The following MTUS2 variants were observed in gnomAD, a reference collection of about 807,000 sequenced individuals.
MTUS2 encodes the protein microtubule associated scaffold protein 2, also known as microtubule-associated tumor suppressor candidate 2.
MTUS2 carries 40 observed loss-of-function variants against 114.1 expected under a neutral mutation model. That is an observed-to-expected ratio of 0.35 (90% confidence interval 0.27 to 0.46). The LOEUF (loss-of-function observed/expected upper bound fraction) is 0.46, where lower values mean the gene tolerates loss of function less well. Among genes scored for constraint, MTUS2 ranks in the 20% least tolerant of loss-of-function variants. The pLI is 1.00. For synonymous variants in MTUS2, 688 were observed against 672.0 expected, an observed-to-expected ratio of 1.02 and a Z score of -0.37; for missense variants, 1,679 against 1,705.4, an observed-to-expected ratio of 0.98 and a Z score of 0.27.
At chr13:29,160,299 C>T (rs1893038538) in intron 5 of MTUS2, among the ~76,000 whole-genome samples, 1 of 152,246 alleles carries the variant, frequency 6.6e-6, no homozygotes, top group Non-Finnish European at 1.5e-5. Flanking sequence ...AAAAGTAAAT[C>T]TCTTTTTTCT....
intron 6 of MTUS2, among the ~76,000 whole-genome samples, chr13:29,299,923 G>A (rs1389923055): frequency 6.6e-6 from 1 of 151,938 alleles, no homozygotes; most frequent in Admixed American, 6.6e-5. Flanking sequence ...ATTTTACTGG[G>A]CAGTCCAGTA....
chr13:29,487,929 T>G lies in MTUS2; in HGVS notation c.3429T>G (p.Ala1143=). 1 of 1,614,148 alleles carries G rather than the reference T, an allele frequency of 6.2e-7. No individual in the cohort carries two copies. Among genetic ancestry groups the G allele is most frequent in the Non-Finnish European group, 8.5e-7 (1 of 1,180,014 alleles). ...AAGATCTCACCGCCAGCCATGATGC[T>G]GCTCTCCTAGAGATGGAAAATAACC... ...QVEDLTASHD[A]ALLEMENNHT... is the part of the protein sequence containing the mutation. The change falls in exon 11 of 16, where the codon GCT becomes GCG. Residue 1143 remains alanine, a synonymous_variant. Transcript: ENST00000612955.
chr13:29,188,672 C>T (rs1456634805), intron 5 of MTUS2, among the ~76,000 whole-genome samples: 1 of 152,186 alleles, frequency 6.6e-6, no homozygotes, highest in Non-Finnish European at 1.5e-5. Context: ...ACCAGAGACT[C>T]CCTGCTCTGC....
intron 2 of MTUS2, among the ~76,000 whole-genome samples, chr13:29,009,992 AC>A (rs1885766972): frequency 6.6e-6 from 1 of 152,080 alleles, no homozygotes; most frequent in South Asian, 2.1e-4. Context: ...CGGACAGATC[AC>A]AAAGTCAGGA....
chr13:29,130,513 A>C (rs1370541240), intron 5 of MTUS2, among the ~76,000 whole-genome samples: 1 of 151,688 alleles, frequency 6.6e-6, no homozygotes, highest in Non-Finnish European at 1.5e-5. Context: ...TGACATGACA[A>C]CCTTTGCCTT....
At chr13:28,939,935 A>T (rs1011348655) in intron 2 of MTUS2, among the ~76,000 whole-genome samples, 2 of 152,196 alleles carry the variant, frequency 1.3e-5, no homozygotes, top group Non-Finnish European at 2.9e-5. Flanking sequence ...CAGGCAAGAA[A>T]GAGCTTGTGC....
chr13:29,449,286 TATTAACTA>T (rs1878515186), intron 9 of MTUS2, among the ~76,000 whole-genome samples: 1 of 151,970 alleles, frequency 6.6e-6, no homozygotes, highest in Non-Finnish European at 1.5e-5. Flanking sequence ...GTTCTTAAGT[TATTAACTA>T]GCATGCATTT....
At chr13:29,327,597 A>C (rs1036199361) in intron 7 of MTUS2, among the ~76,000 whole-genome samples, 1 of 152,182 alleles carries the variant, frequency 6.6e-6, no homozygotes, top group African/African-American at 2.4e-5. Flanking sequence ...ATTCTATTAT[A>C]TAGATATCAC....
intron 5 of MTUS2, among the ~76,000 whole-genome samples, chr13:29,229,766 G>A (rs1019503254): frequency 1.3e-5 from 2 of 152,158 alleles, no homozygotes; most frequent in African/African-American, 4.8e-5. Context: ...ACTATCCTCA[G>A]AGGTAAACCA....
chr13:29,071,345 A>G (rs1008620512), intron 4 of MTUS2, among the ~76,000 whole-genome samples: 5 of 147,540 alleles, frequency 3.4e-5, no homozygotes, highest in East Asian at 2.0e-4. Context: ...TATTGTTGCA[A>G]TATCTTCCCA....
intron 7 of MTUS2, among the ~76,000 whole-genome samples, chr13:29,337,578 G>A (rs1341594319): frequency 6.7e-6 from 1 of 149,676 alleles, no homozygotes; most frequent in Non-Finnish European, 1.5e-5. Context: ...GCAGACCAGA[G>A]CTGTTTTATT....
At chr13:29,182,903 G>A (rs538925790) in intron 5 of MTUS2, among the ~76,000 whole-genome samples, 3 of 152,190 alleles carry the variant, frequency 2.0e-5, no homozygotes, top group African/African-American at 4.8e-5. Flanking sequence ...TAGCATGGAG[G>A]CCAGTGCAGC....
At chr13:28,920,747 C>T (rs1880996784) in intron 2 of MTUS2, among the ~76,000 whole-genome samples, 1 of 152,196 alleles carries the variant, frequency 6.6e-6, no homozygotes, top group Non-Finnish European at 1.5e-5. Flanking sequence ...TGCGGCTAAG[C>T]TAGTACTCAA....
At chr13:28,973,924 G>A (rs560150838) in intron 2 of MTUS2, among the ~76,000 whole-genome samples, 1 of 152,332 alleles carries the variant, frequency 6.6e-6, no homozygotes, top group East Asian at 1.9e-4. Context: ...ACTTAGGGCA[G>A]AGGGTGAAAA....
At chr13:29,240,529 A>G (rs533498209) in intron 5 of MTUS2, among the ~76,000 whole-genome samples, 3 of 152,200 alleles carry the variant, frequency 2.0e-5, no homozygotes, top group Non-Finnish European at 2.9e-5. Context: ...TGCTATTTCA[A>G]TTGCCTTCAC....
chr13:29,392,000 G>A (rs3121753), intron 8 of MTUS2, among the ~76,000 whole-genome samples: 2 of 151,630 alleles, frequency 1.3e-5, no homozygotes, highest in African/African-American at 4.9e-5. Flanking sequence ...GTGGTGGCAC[G>A]GCCTGTAATC....
Position 29,501,150 on chromosome 13 carries a change from C to T in MTUS2, c.3852C>T (p.Asn1284=), listed in dbSNP as rs767874375. 38 of 1,614,030 alleles carry T rather than the reference C, an allele frequency of 2.4e-5. No individual in the cohort carries two copies. The highest frequency in any genetic ancestry group is 8.0e-5 in the African/African-American group (6 of 74,924). The change falls in exon 15 of 16, where the codon AAC becomes AAT. Residue 1284 remains asparagine, a synonymous_variant. Transcript: ENST00000612955. The stretch of plus-strand genomic sequence containing the variant: ...AGATCCAGGTTCTCCAACAGCAGAA[C>T]GAAGACCTCAAAGCAAGGATTGACC... ...EEKIQVLQQQ[N]EDLKARIDQN...
intron 2 of MTUS2, among the ~76,000 whole-genome samples, chr13:29,011,793 T>G (rs1885854538): frequency 6.6e-6 from 1 of 152,204 alleles, no homozygotes; most frequent in South Asian, 2.1e-4. Flanking sequence ...TTCCATTTAG[T>G]TGGAGGGTTT....
chr13:29,152,778 T>C (rs1289745900), intron 5 of MTUS2, among the ~76,000 whole-genome samples: 1 of 151,830 alleles, frequency 6.6e-6, no homozygotes. Flanking sequence ...AGAAGTGACA[T>C]CCCATATGTT....
Sources: gnomAD v4.1 joint callset for allele counts (sites outside exome capture counted in the v4.1 genomes callset) on GRCh38, gnomAD v4.1.1 for gene constraint, MANE v1.5 for transcripts, NCBI Gene and HGNC (gene_info 2026-07-23, HGNC 2026-07-21) for gene names.